Variants in GTF2E2 observed in about 807,000 individuals in gnomAD.
GTF2E2 encodes general transcription factor IIE subunit 2.
Under a neutral mutation model 40.5 loss-of-function variants are expected in GTF2E2, and 21 were observed. The ratio of observed to expected loss-of-function variants is 0.52; its 90% CI spans 0.37 to 0.75. The LOEUF (loss-of-function observed/expected upper bound fraction) is 0.75, where lower values mean the gene tolerates loss of function less well. Ranked by LOEUF, GTF2E2 falls within the 30% of genes least tolerant of loss-of-function variation. GTF2E2 has a pLI of 0.00. For missense variants in GTF2E2, 298 were observed against 338.4 expected (o/e 0.88, Z 0.94); for synonymous variants, 117 against 121.6 (o/e 0.96, Z 0.25).
Position 30,580,407 on chromosome 8 carries a change from C to A in GTF2E2, c.644-11G>T. 1 of 1,315,898 alleles carries A rather than the reference C, an allele frequency of 7.6e-7. No individual in the cohort carries two copies. 81.5% of individuals were successfully genotyped at this position (1,315,898 alleles called of 1,614,324 possible). On this transcript the variant is annotated splice_polypyrimidine_tract_variant and intron_variant, in intron 6 of 7. Transcript: ENST00000355904. ...ACAGTTTCTGAAATTCTGTATCAAA[C>A]AGACACTAGTTATTTTACAATCCAT...
chr8:30,591,036 G>A (rs1209729200), intron 6 of GTF2E2, among the ~76,000 whole-genome samples: 1 of 152,088 alleles, frequency 6.6e-6, no homozygotes. Flanking sequence ...TCAAGAAAGT[G>A]AAAAGACAAC....
intron 2 of GTF2E2, among the ~76,000 whole-genome samples, chr8:30,647,981 G>A (rs1438683047): frequency 1.3e-5 from 2 of 152,156 alleles, no homozygotes; most frequent in Admixed American, 6.5e-5. Context: ...CTACAATGGA[G>A]CACATTGGAA....
intron 4 of GTF2E2, 63 bp downstream of exon 4, chr8:30,614,545 C>T: frequency 1.1e-6 from 1 of 936,214 alleles, no homozygotes; most frequent in South Asian, 1.4e-5. Context: ...AAGACTCTGT[C>T]TTAAAAAAAA....
chr8:30,656,609 C>A (rs566090364), intron 1 of GTF2E2, among the ~76,000 whole-genome samples: 1 of 152,194 alleles, frequency 6.6e-6, no homozygotes, highest in Admixed American at 6.5e-5. Flanking sequence ...GAGTTCTAGA[C>A]GAGTCTGGCC....
At chr8:30,647,647 A>G (rs1802140379) in intron 2 of GTF2E2, among the ~76,000 whole-genome samples, 1 of 152,240 alleles carries the variant, frequency 6.6e-6, no homozygotes, top group African/African-American at 2.4e-5. Context: ...TTTTATATTT[A>G]TTCTCACATT....
At chr8:30,593,192 A>G (rs1828898408) in intron 6 of GTF2E2, among the ~76,000 whole-genome samples, 2 of 152,360 alleles carry the variant, frequency 1.3e-5, no homozygotes, top group South Asian at 4.1e-4. Flanking sequence ...ACCTGTCTCA[A>G]AAGAGAAAAA....
chr8:30,596,286 G>A (rs1376622893), intron 6 of GTF2E2, among the ~76,000 whole-genome samples: 1 of 152,016 alleles, frequency 6.6e-6, no homozygotes, highest in African/African-American at 2.4e-5. Context: ...CAGACCACTT[G>A]ATATTGTCTC....
chr8:30,626,780 T>C (rs1367261449), intron 3 of GTF2E2, among the ~76,000 whole-genome samples: 1 of 152,214 alleles, frequency 6.6e-6, no homozygotes, highest in Non-Finnish European at 1.5e-5. Flanking sequence ...AAACTACTTA[T>C]CAATGAACTT....
intron 6 of GTF2E2, among the ~76,000 whole-genome samples, chr8:30,586,321 C>G (rs1307718328): frequency 6.6e-6 from 1 of 152,082 alleles, no homozygotes; most frequent in Non-Finnish European, 1.5e-5. Flanking sequence ...CACCCCCACC[C>G]AAGATGTCCA....
At chr8:30,598,297 A>G (rs1158714826) in intron 6 of GTF2E2, among the ~76,000 whole-genome samples, 1 of 152,246 alleles carries the variant, frequency 6.6e-6, no homozygotes, top group Non-Finnish European at 1.5e-5. Context: ...AAGCTTACAT[A>G]CTGCGGACCT....
chr8:30,636,137 C>G (rs553740765), intron 2 of GTF2E2, among the ~76,000 whole-genome samples: 32 of 152,148 alleles, frequency 2.1e-4, no homozygotes, highest in Non-Finnish European at 4.1e-4. Context: ...TTCTTACAAG[C>G]AGAAACCCTA....
intron 3 of GTF2E2, among the ~76,000 whole-genome samples, chr8:30,632,480 T>C (rs1801467487): frequency 6.6e-6 from 1 of 152,152 alleles, no homozygotes; most frequent in Admixed American, 6.6e-5. Context: ...TTTCTAAAAA[T>C]TGAATAAGCT....
intron 6 of GTF2E2, among the ~76,000 whole-genome samples, chr8:30,590,975 G>A (rs889248494): frequency 1.4e-4 from 21 of 152,168 alleles, no homozygotes; most frequent in Non-Finnish European, 2.8e-4. Context: ...ACAGGTGTGA[G>A]CCACTGCGCC....
intron 6 of GTF2E2, among the ~76,000 whole-genome samples, chr8:30,600,636 C>G (rs1046048275): frequency 2.0e-5 from 3 of 152,002 alleles, no homozygotes; most frequent in African/African-American, 7.2e-5. Context: ...AAAGATAAAA[C>G]CTACAATCTA....
intron 3 of GTF2E2, among the ~76,000 whole-genome samples, chr8:30,629,000 T>G (rs978883619): frequency 2.0e-5 from 3 of 152,194 alleles, no homozygotes; most frequent in Non-Finnish European, 4.4e-5. Flanking sequence ...TTTTTCTTTA[T>G]TCTGTTAATA....
intron 3 of GTF2E2, among the ~76,000 whole-genome samples, chr8:30,626,465 C>T (rs575538788): frequency 6.6e-6 from 1 of 152,258 alleles, no homozygotes; most frequent in East Asian, 1.9e-4. Flanking sequence ...ATCCTGATGA[C>T]AGAGCGAGAC....
chr8:30,618,870 T>A (rs1413558165), intron 3 of GTF2E2, among the ~76,000 whole-genome samples: 1 of 152,220 alleles, frequency 6.6e-6, no homozygotes, highest in Non-Finnish European at 1.5e-5. Context: ...ATGTGATTTC[T>A]GAGTTTAAAA....
intron 6 of GTF2E2, among the ~76,000 whole-genome samples, chr8:30,588,977 G>A (rs1403619344): frequency 1.3e-5 from 2 of 152,186 alleles, no homozygotes; most frequent in African/African-American, 4.8e-5. Context: ...GGCCTGGCCG[G>A]GCACAGTGGC....
intron 6 of GTF2E2, among the ~76,000 whole-genome samples, chr8:30,603,108 G>A (rs952264905): frequency 6.6e-6 from 1 of 152,168 alleles, no homozygotes; most frequent in African/African-American, 2.4e-5. Flanking sequence ...ACAGGGACTG[G>A]TCTATCTTAC....
Sources: gnomAD v4.1 joint callset for allele counts (sites outside exome capture counted in the v4.1 genomes callset) on GRCh38, gnomAD v4.1.1 for gene constraint, MANE v1.5 for transcripts, NCBI Gene and HGNC (gene_info 2026-07-23, HGNC 2026-07-21) for gene names.